SPACA3: variants seen among roughly 807,000 people sequenced by gnomAD.
SPACA3 encodes the protein sperm acrosome membrane-associated protein 3.
A neutral mutation model predicts 24.5 loss-of-function variants in SPACA3; 21 were observed. The observed-to-expected ratio is 0.86, with a 90% confidence interval of 0.61 to 1.24. The LOEUF is 1.24. Among genes scored for constraint, SPACA3 ranks in the 50% most tolerant of loss-of-function variants. The probability of loss-of-function intolerance (pLI) is 0.00; values close to 1 mark genes in which losing one functional copy is unlikely to be tolerated. For missense variants in SPACA3, 278 were observed against 275.5 expected, an observed-to-expected ratio of 1.01 and a Z score of -0.06; for synonymous variants, 115 against 106.9, an observed-to-expected ratio of 1.08 and a Z score of -0.47.
At position 32,997,845 on chromosome 17, in the gene SPACA3, C is replaced by T; in HGVS notation, c.*67C>T. The T allele has an allele frequency of 6.6e-7, 1 of 1,525,572 alleles. No individual in the cohort carries two copies. The highest frequency in any genetic ancestry group is 9.1e-7 in the Non-Finnish European group (1 of 1,099,954). 94.5% of individuals were successfully genotyped at this position (1,525,572 alleles called of 1,614,324 possible). On this transcript the variant is annotated 3_prime_UTR_variant, in exon 5 of 5. Coordinates refer to ENST00000269053, the MANE Select transcript of SPACA3 (RefSeq NM_173847.5). ...GGTTCCTGACCTAGGCTTGGGAAGA[C>T]AAGCCAGCGAATAAAGGATGGTTGA...
At chr17:32,993,869 A>T (rs2091706796) in intron 1 of SPACA3, among the ~76,000 whole-genome samples, 1 of 152,134 alleles carries the variant, frequency 6.6e-6, no homozygotes, top group Middle Eastern at 3.4e-3. Context: ...GGGACAACGG[A>T]TGGAGCAAGG....
chr17:32,993,330 A>G lies in SPACA3; in HGVS notation c.34+1358A>G, dbSNP rs374646329. On this transcript the variant is annotated intron_variant, in intron 1 of 4. Coordinates refer to ENST00000269053, the MANE Select transcript of SPACA3 (RefSeq NM_173847.5). ...GATGCCACAGGGGTTGCCAGCCTTC[A>G]GGCGGTGGCTAACAGCAGGGCTGCC... Among the ~76,000 whole-genome samples the G allele has an allele frequency of 2.2e-3, 337 of 152,318 alleles. 3 individuals are homozygous for G. Among genetic ancestry groups the G allele is most frequent in the Middle Eastern group, 0.01 (3 of 294 alleles).
At position 32,997,693 on chromosome 17, in the gene SPACA3, C is replaced by G. The variant is rs765902653; in HGVS notation, c.582-19C>G. 1.2e-6 allele frequency: 2 copies of G among 1,613,442 alleles called. No individual in the cohort carries two copies. The highest frequency in any genetic ancestry group is 3.3e-5 in the Admixed American group (2 of 60,014). On this transcript the variant is annotated intron_variant, in intron 4 of 4. Coordinates refer to ENST00000269053, the MANE Select transcript of SPACA3 (RefSeq NM_173847.5). Reference sequence around the variant, plus strand: ...TGCAGCTGATATTATCTCTCCTCTTCCCTGTTCTCCATCCTCAGGGAGGCC... The same window carrying G: ...TGCAGCTGATATTATCTCTCCTCTTGCCTGTTCTCCATCCTCAGGGAGGCC...
chr17:32,997,625 C>T, intron 4 of SPACA3, 87 bp from the exon 5 acceptor site: 1 of 1,546,588 alleles, frequency 6.5e-7, no homozygotes, highest in East Asian at 2.2e-5. Context: ...GGTTTAGAGA[C>T]CACACTCTCC....
intron 3 of SPACA3, 70 bp from the exon 4 acceptor site, chr17:32,997,375 A>ACT (rs1332712328): frequency 1.6e-5 from 18 of 1,157,740 alleles, no homozygotes; most frequent in Non-Finnish European, 2.2e-5. Flanking sequence ...ACAGATACAC[A>ACT]CTCACACACA....
intron 3 of SPACA3, 50 bp from the exon 4 acceptor site, chr17:32,997,395 A>C (rs1317947392): frequency 2.7e-6 from 4 of 1,470,596 alleles, no homozygotes; most frequent in South Asian, 1.1e-5. Flanking sequence ...ACACACACAC[A>C]CCTGGATGTC....
rs1175175109 is a variant in SPACA3, at chr17:32,997,494, A to C, written c.552A>C (p.Ile184=). ...ATACCGTTATCTGTGCCATGAAGAT[A>C]ACCCAAGAGCCTCAGGGTCTGGGTT... The part of the protein sequence containing the change: ...LKDTVICAMK[I]TQEPQGLGYW... The change falls in exon 4 of 5, where the codon ATA becomes ATC. Residue 184 remains isoleucine, a synonymous_variant. Coordinates refer to ENST00000269053, the MANE Select transcript of SPACA3 (RefSeq NM_173847.5). The C allele has an allele frequency of 1.2e-6, 2 of 1,614,122 alleles. No homozygotes were observed. Among genetic ancestry groups the C allele is most frequent in the Admixed American group, 3.3e-5 (2 of 60,024 alleles).
At chr17:32,993,253 G>A (rs1159391610) in intron 1 of SPACA3, among the ~76,000 whole-genome samples, 1 of 152,216 alleles carries the variant, frequency 6.6e-6, no homozygotes, top group African/African-American at 2.4e-5. Context: ...GTGCCTGCAG[G>A]GCATTCAAGT....
chr17:32,991,898 A>T lies in SPACA3; in HGVS notation c.-41A>T, dbSNP rs370025481. ...AGGTTGTGGGGGACATCTTGAGCTG[A>T]AGCAGGGTTTTGAGCCACTGCTGCT... On this transcript the variant is annotated 5_prime_UTR_variant, in exon 1 of 5. Coordinates refer to ENST00000269053, the MANE Select transcript of SPACA3 (RefSeq NM_173847.5). 2.5e-6 allele frequency: 4 copies of T among 1,613,258 alleles called. No homozygotes were observed. Among genetic ancestry groups the T allele is most frequent in the South Asian group, 1.1e-5 (1 of 91,048 alleles).
In SPACA3 at chr17:32,995,901, G is replaced by A. The variant is rs182276515; in HGVS notation, c.343+184G>A. Among the ~76,000 whole-genome samples, 1,069 of 152,290 alleles carry A rather than the reference G, an allele frequency of 7.0e-3. 16 individuals carry two copies. The highest frequency in any genetic ancestry group is 0.024 in the African/African-American group (1,008 of 41,556). On this transcript the variant is annotated intron_variant, in intron 2 of 4. Transcript: ENST00000269053. ...ACGGAGTAAAACACGCAGTAGGCAG[G>A]CAGCAGGCAACCAAATTGGAGTCAC...
chr17:32,997,305 C>A (rs778568217), intron 3 of SPACA3, 140 bp from the exon 4 acceptor site: 2 of 731,188 alleles, frequency 2.7e-6, no homozygotes, highest in Non-Finnish European at 4.5e-6. Context: ...TGGATTTAGG[C>A]GAGTGGAGTG....
intron 2 of SPACA3, 173 bp from the exon 3 acceptor site, chr17:32,996,670 A>C (rs1598224432): frequency 1.7e-6 from 1 of 599,352 alleles, no homozygotes; most frequent in Non-Finnish European, 2.5e-6. Flanking sequence ...GTCGCTGTGC[A>C]CCTCTAAGCC....
At chr17:32,997,675 G>A (rs1328268130) in intron 4 of SPACA3, 37 bp from the exon 5 acceptor site, 1 of 1,607,880 alleles carries the variant, frequency 6.2e-7, no homozygotes, top group Non-Finnish European at 8.5e-7. Flanking sequence ...AACTGCAGCT[G>A]ATATTATCTC....
rs757591738 is a variant in SPACA3, at chr17:32,991,978, C to T, written c.34+6C>T. 6.2e-6 allele frequency: 10 copies of T among 1,613,622 alleles called. No homozygotes were observed. The highest frequency in any genetic ancestry group is 1.1e-5 in the South Asian group (1 of 91,018). ...GCGGGGAGCACCCCTGATCAGTGAG[C>T]CCCCTTTCCCTTCTTCCTGGGGCTG... On this transcript the variant is annotated splice_donor_region_variant and intron_variant, in intron 1 of 4. Transcript: ENST00000269053.
chr17:32,992,801 G>C (rs1157721165), intron 1 of SPACA3: 1 of 444,432 alleles, frequency 2.3e-6, no homozygotes, highest in Non-Finnish European at 4.6e-6. Flanking sequence ...ACGTGTGAAT[G>C]AGGGAGTGGG....
intron 2 of SPACA3, 27 bp from the exon 3 acceptor site, chr17:32,996,816 C>T: frequency 6.7e-7 from 1 of 1,490,562 alleles, no homozygotes; most frequent in Non-Finnish European, 9.0e-7. Flanking sequence ...CCATCTGACC[C>T]CCAGGCCTAT....
intron 3 of SPACA3, 33 bp from the exon 4 acceptor site, chr17:32,997,412 T>C (rs771832458): frequency 6.3e-7 from 1 of 1,586,506 alleles, no homozygotes; most frequent in Non-Finnish European, 8.7e-7. Flanking sequence ...TGTCTCCTGT[T>C]CTCTCATTGT....
chr17:32,993,097 A>G, intron 1 of SPACA3: 1 of 376,850 alleles, frequency 2.7e-6, no homozygotes, highest in East Asian at 8.0e-5. Context: ...GAAAGATGTC[A>G]TGGGGAAGGA....
At position 32,992,538 on chromosome 17, in the gene SPACA3, C is replaced by T. The variant is rs191015484; in HGVS notation, c.34+566C>T. Among the ~76,000 whole-genome samples the T allele has an allele frequency of 1.8e-3, 279 of 152,308 alleles. 5 individuals carry two copies. The highest frequency in any genetic ancestry group is 6.8e-3 in the Middle Eastern group (2 of 294). The stretch of plus-strand genomic sequence containing the variant: ...CATGCAGATAAATAAGACCAGCCGC[C>T]GTTCTTCAGAAGTTAACTTTGTGGT... On this transcript the variant is annotated intron_variant, in intron 1 of 4. Transcript: ENST00000269053.
Sources: allele counts gnomAD v4.1 joint callset (sites outside exome capture counted in the v4.1 genomes callset), GRCh38; gene constraint gnomAD v4.1.1; transcripts MANE v1.5; gene names NCBI Gene and HGNC (gene_info 2026-07-23, HGNC 2026-07-21).